ROBO2: variants seen among roughly 807,000 people sequenced by gnomAD.
ROBO2 encodes roundabout guidance receptor 2.
Under a neutral mutation model 160.8 loss-of-function variants are expected in ROBO2, and 53 were observed. The observed-to-expected ratio is 0.33, with a 90% CI of 0.26 to 0.41. The LOEUF (loss-of-function observed/expected upper bound fraction) is 0.41, where lower values mean the gene tolerates loss of function less well. Among genes scored for constraint, ROBO2 ranks in the 10% least tolerant of loss-of-function variants. The probability of loss-of-function intolerance (pLI) is 1.00; values close to 1 mark genes in which losing one functional copy is unlikely to be tolerated. For missense variants in ROBO2, 1,577 were observed against 1,722.4 expected (o/e 0.92, Z 1.49); for synonymous variants, 664 against 611.7 (o/e 1.09, Z -1.26).
chr3:77,070,622 G>A (rs1314331344), intron 1 of ROBO2, among the ~76,000 whole-genome samples: 1 of 152,154 alleles, frequency 6.6e-6, no homozygotes, highest in Non-Finnish European at 1.5e-5. Context: ...TATGCCAAGA[G>A]AGTTGTCAGC....
At chr3:77,130,430 G>A (rs1356725966) in intron 2 of ROBO2, among the ~76,000 whole-genome samples, 1 of 78,292 alleles carries the variant, frequency 1.3e-5, no homozygotes, top group Non-Finnish European at 2.6e-5. Context: ...TAAACAGCAA[G>A]TAATAAGTAA....
chr3:77,412,454 C>T (rs4308254), intron 2 of ROBO2, among the ~76,000 whole-genome samples: 21,229 of 152,214 alleles, frequency 0.14, 1,812 homozygotes, highest in African/African-American at 0.23. Context: ...GACTCTAGAG[C>T]CCCTCTGTCC....
chr3:77,072,055 C>T (rs922371027), intron 1 of ROBO2, among the ~76,000 whole-genome samples: 16 of 152,072 alleles, frequency 1.1e-4, no homozygotes, highest in Admixed American at 3.9e-4. Flanking sequence ...CCCCCTCGTT[C>T]GCATTACCAC....
intron 19 of ROBO2, among the ~76,000 whole-genome samples, chr3:77,597,027 T>C (rs2094321234): frequency 6.6e-6 from 1 of 152,090 alleles, no homozygotes. Flanking sequence ...GGATTACTAG[T>C]ACAAGATTAC....
At chr3:77,053,514 T>C (rs567447785) in intron 1 of ROBO2, among the ~76,000 whole-genome samples, 18 of 152,132 alleles carry the variant, frequency 1.2e-4, no homozygotes, top group South Asian at 6.2e-4. Flanking sequence ...GAGGGGGTAA[T>C]ACCCAAAGGC....
intron 2 of ROBO2, among the ~76,000 whole-genome samples, chr3:77,338,278 T>C (rs1280314512): frequency 6.6e-6 from 1 of 152,170 alleles, no homozygotes; most frequent in Non-Finnish European, 1.5e-5. Context: ...TTTGTGATGC[T>C]TTTAAATCAA....
At chr3:76,851,668 G>A (rs376165771) in intron 2 of ROBO2, among the ~76,000 whole-genome samples, 67 of 144,570 alleles carry the variant, frequency 4.6e-4, no homozygotes, top group African/African-American at 1.7e-3. Flanking sequence ...CCGGGAAGCG[G>A]AGCTTGCAGT....
At chr3:76,678,449 G>A (rs2092470101) in intron 2 of ROBO2, among the ~76,000 whole-genome samples, 1 of 152,030 alleles carries the variant, frequency 6.6e-6, no homozygotes, top group Non-Finnish European at 1.5e-5. Flanking sequence ...CTTGACAGAT[G>A]GGGCATTGTG....
intron 2 of ROBO2, among the ~76,000 whole-genome samples, chr3:77,327,626 T>C (rs1335753422): frequency 1.3e-5 from 2 of 152,212 alleles, no homozygotes; most frequent in Admixed American, 1.3e-4. Context: ...AAAGAAGTTA[T>C]GACTCCTTCA....
intron 2 of ROBO2, among the ~76,000 whole-genome samples, chr3:77,230,674 C>T (rs949235064): frequency 6.6e-6 from 1 of 152,062 alleles, no homozygotes; most frequent in African/African-American, 2.4e-5. Flanking sequence ...TTTCAAATTT[C>T]TTTAATGAAA....
rs115423708 is a variant in ROBO2 at position 76,014,943 on chromosome 3, A to G, written c.109+77341A>G. 3.2e-3 allele frequency among the ~76,000 whole-genome samples: 481 copies of G among 152,292 alleles called. 5 individuals are homozygous for G. Among genetic ancestry groups the G allele is most frequent in the African/African-American group, 0.011 (470 of 41,550 alleles). Reference sequence around the variant, plus strand: ...ACCCTGTCTCTAAAAATAAATAAATAAAGACATACATACATACATAAAAAA... The same window carrying G: ...ACCCTGTCTCTAAAAATAAATAAATGAAGACATACATACATACATAAAAAA... On this transcript the variant is annotated intron_variant, in intron 2 of 26. Coordinates refer to the ROBO2 transcript ENST00000487694.
chr3:77,391,841 T>C (rs1397051275), intron 2 of ROBO2, among the ~76,000 whole-genome samples: 1 of 152,136 alleles, frequency 6.6e-6, no homozygotes, highest in Non-Finnish European at 1.5e-5. Context: ...ATTATAAGCA[T>C]GAGCCACCAT....
At chr3:77,529,995 A>G (rs554773724) in intron 6 of ROBO2, among the ~76,000 whole-genome samples, 47 of 152,070 alleles carry the variant, frequency 3.1e-4, no homozygotes, top group African/African-American at 1.1e-3. Context: ...CATTTATTGT[A>G]TGGTCAAAAA....
chr3:76,625,084 G>C (rs1326354062), intron 2 of ROBO2, among the ~76,000 whole-genome samples: 1 of 151,890 alleles, frequency 6.6e-6, no homozygotes, highest in Non-Finnish European at 1.5e-5. Context: ...TTTTTTTCTA[G>C]TAAAATAACA....
chr3:77,147,076 A>T (rs763099621), intron 2 of ROBO2, among the ~76,000 whole-genome samples: 9 of 152,176 alleles, frequency 5.9e-5, no homozygotes, highest in Non-Finnish European at 1.0e-4. Flanking sequence ...TATGGTAGAA[A>T]TTTTTTTACC....
At chr3:76,603,070 G>A (rs1037780705) in intron 2 of ROBO2, among the ~76,000 whole-genome samples, 1 of 151,682 alleles carries the variant, frequency 6.6e-6, no homozygotes, top group Non-Finnish European at 1.5e-5. Context: ...AGTGGCTCAC[G>A]CCTGTAATCT....
chr3:76,449,019 T>A (rs766070821), intron 2 of ROBO2, among the ~76,000 whole-genome samples: 15 of 152,194 alleles, frequency 9.9e-5, no homozygotes, highest in Admixed American at 2.0e-4. Flanking sequence ...AAAACGGAAA[T>A]ATAAATTTTA....
At chr3:76,121,103 A>G (rs1358052904) in intron 2 of ROBO2, among the ~76,000 whole-genome samples, 1 of 152,118 alleles carries the variant, frequency 6.6e-6, no homozygotes, top group Non-Finnish European at 1.5e-5. Flanking sequence ...GAGGCAATGA[A>G]ATTATTGGGT....
At chr3:76,767,084 C>A (rs915882144) in intron 2 of ROBO2, among the ~76,000 whole-genome samples, 1 of 151,382 alleles carries the variant, frequency 6.6e-6, no homozygotes, top group Non-Finnish European at 1.5e-5. Context: ...GAATCTCAAG[C>A]AGAAGTGCTT....
Sources: allele counts gnomAD v4.1 joint callset (sites outside exome capture counted in the v4.1 genomes callset), GRCh38; gene constraint gnomAD v4.1.1; transcripts MANE v1.5; gene names NCBI Gene and HGNC (gene_info 2026-07-23, HGNC 2026-07-21).